Variants in KLHL40 observed in about 807,000 individuals in gnomAD.
KLHL40 encodes the protein kelch-like protein 40.
Under a neutral mutation model 49.7 loss-of-function variants are expected in KLHL40, and 44 were observed. That is an observed-to-expected ratio of 0.89 (90% CI 0.70 to 1.14). The LOEUF is 1.14. Ranked by LOEUF, KLHL40 falls within the 50% of genes most tolerant of loss-of-function variation. The pLI, the probability that KLHL40 is intolerant of heterozygous loss-of-function variation, is 0.00. For missense variants in KLHL40, 892 were observed against 850.3 expected (o/e 1.05, Z -0.61); for synonymous variants, 409 against 365.2 (o/e 1.12, Z -1.37).
Position 42,686,364 on chromosome 3 carries a change from A to T in KLHL40, c.746A>T (p.Glu249Val). 2 of 1,613,162 alleles carry T rather than the reference A, an allele frequency of 1.2e-6. No individual in the cohort carries two copies. The highest frequency in any genetic ancestry group is 1.7e-6 in the Non-Finnish European group (2 of 1,179,902). Residue 249 changes from glutamate to valine, a missense_variant, in exon 1 of 6, where the codon GAG (glutamate) becomes GTG (valine). By Grantham distance (121) the Glu-to-Val change is moderately radical. Transcript: ENST00000287777. Reference sequence around the variant, plus strand: ...CACCCTCTCGTGCGTGCCCAGCCCGAGTTGCTGCGCAAGGTGCAGATGGTG... The same window carrying T: ...CACCCTCTCGTGCGTGCCCAGCCCGTGTTGCTGCGCAAGGTGCAGATGGTG... ...ERHPLVRAQPELLRKVQMVKD... is the reference protein window; with the variant it reads ...ERHPLVRAQPVLLRKVQMVKD...
Position 42,688,881 on chromosome 3 carries a change from C to G in KLHL40, c.1434C>G (p.Asn478Lys). 4 of 1,613,868 alleles carry G rather than the reference C, an allele frequency of 2.5e-6. No individual in the cohort carries two copies. Among genetic ancestry groups the G allele is most frequent in the Non-Finnish European group, 3.4e-6 (4 of 1,179,824 alleles). Residue 478 changes from asparagine to lysine, a missense_variant, in exon 4 of 6, where the codon AAC becomes AAG. Physicochemically the swap from Asn to Lys is moderately conservative, Grantham distance 94. Transcript: ENST00000287777. The surrounding 1 kb of genome is among the most constrained non-coding windows in gnomAD (Gnocchi z 4.2). ...CTCCACCCCACAGGAAGTGCCTGAA[C>G]AAGATGTGCGTCTATGACCCCAAGA... The part of the protein sequence containing the change: ...GGKGSDRKCL[N>K]KMCVYDPKKF...
chr3:42,690,168 C>T (rs574706536), intron 4 of KLHL40, among the ~76,000 whole-genome samples: 18 of 152,216 alleles, frequency 1.2e-4, no homozygotes, highest in South Asian at 4.1e-4. Context: ...CAGTAGCACA[C>T]GGAGGGGCCA....
chr3:42,688,586 C>G lies in KLHL40; in HGVS notation c.1314-24C>G, dbSNP rs769695559. ...CCGAGCCTGGATGGGTGCCCTCCCC[C>G]ACCCCCACTCCCGTCTCCTCCAGGT... On this transcript the variant is annotated intron_variant, in intron 2 of 5. Coordinates refer to ENST00000287777, the MANE Select transcript of KLHL40 (RefSeq NM_152393.4). This position sits in a 1 kb window ranked among gnomAD's most constrained non-coding sequence, Gnocchi z 4.2. 2 of 1,579,656 alleles carry G rather than the reference C, an allele frequency of 1.3e-6. No homozygotes were observed. Among genetic ancestry groups the G allele is most frequent in the Non-Finnish European group, 8.7e-7 (1 of 1,149,938 alleles).
In KLHL40 at chr3:42,689,341, C is replaced by G. The variant is rs117955816; in HGVS notation, c.1607+287C>G. On this transcript the variant is annotated intron_variant, in intron 4 of 5. Transcript: ENST00000287777. The stretch of plus-strand genomic sequence containing the variant: ...CTGGTGCAAGGGATATAGCAGTGAA[C>G]AAGACAGAAGCTGCCCTGCCTGGGA... 2.4e-3 allele frequency among the ~76,000 whole-genome samples: 368 copies of G among 152,198 alleles called. 10 individuals are homozygous for G. The East Asian group carries it at 0.045, about 19-fold the overall frequency.
In KLHL40 at chr3:42,688,011, G is replaced by C. The variant is rs573939256; in HGVS notation, c.1153-131G>C. 2.1e-5 allele frequency: 21 copies of C among 993,984 alleles called. No homozygotes were observed. The highest frequency in any genetic ancestry group is 3.0e-5 in the Non-Finnish European group (20 of 665,170). 61.6% of individuals were successfully genotyped at this position (993,984 alleles called of 1,614,324 possible). A position where few individuals can be genotyped will look rare whatever the true frequency, so the allele number is the denominator to read the frequency against. On this transcript the variant is annotated intron_variant, in intron 1 of 5. Transcript: ENST00000287777. This position sits in a 1 kb window ranked among gnomAD's most constrained non-coding sequence, Gnocchi z 4.2. ...GGTAGGAGGGGCACTGTTTCTCAGG[G>C]CACCTCCAGGCTGTATTGGCCCTAC...
In KLHL40 at chr3:42,688,097, C is replaced by T. The variant is rs369757052; in HGVS notation, c.1153-45C>T. The T allele has an allele frequency of 3.1e-4, 503 of 1,611,534 alleles. No homozygotes were observed. The highest frequency in any genetic ancestry group is 4.0e-4 in the Non-Finnish European group (475 of 1,178,994). On this transcript the variant is annotated intron_variant, in intron 1 of 5. Transcript: ENST00000287777. This position sits in a 1 kb window ranked among gnomAD's most constrained non-coding sequence, Gnocchi z 4.2. Reference sequence around the variant, plus strand: ...GGGACTGAGTGGGGCTGGGCTGAGGCTGGGGGAGTGGGGGGCGGTAGCTGA... The same window carrying T: ...GGGACTGAGTGGGGCTGGGCTGAGGTTGGGGGAGTGGGGGGCGGTAGCTGA...
At position 42,691,010 on chromosome 3, in the gene KLHL40, G is replaced by A. The variant is rs1415991705; in HGVS notation, c.1754+5G>A. ...AGAGCTCAATGACATCTGGAGGTGA[G>A]TCCCACCCTGGGGAGGCAAGGGGGC... On this transcript the variant is annotated splice_donor_5th_base_variant and intron_variant, in intron 5 of 5. Coordinates refer to ENST00000287777, the MANE Select transcript of KLHL40 (RefSeq NM_152393.4). 6.2e-7 allele frequency: 1 copy of A among 1,602,086 alleles called. No individual in the cohort carries two copies. Among genetic ancestry groups the A allele is most frequent in the Non-Finnish European group, 8.5e-7 (1 of 1,173,288 alleles).
At chr3:42,687,500 G>A (rs2125845117) in intron 1 of KLHL40, among the ~76,000 whole-genome samples, 1 of 152,198 alleles carries the variant, frequency 6.6e-6, no homozygotes, top group South Asian at 2.1e-4. Context: ...TGGGGGATGA[G>A]GGCAGCTTCA....
chr3:42,689,183 T>C, intron 4 of KLHL40, 129 bp downstream of exon 4: 1 of 805,638 alleles, frequency 1.2e-6, no homozygotes, highest in East Asian at 2.7e-5. Context: ...GAAATAGGCT[T>C]TCTCTCCTGA....
chr3:42,686,361 C>G lies in KLHL40; in HGVS notation c.743C>G (p.Pro248Arg). The G allele has an allele frequency of 6.2e-7, 1 of 1,613,168 alleles. No individual in the cohort carries two copies. Among genetic ancestry groups the G allele is most frequent in the Non-Finnish European group, 8.5e-7 (1 of 1,179,904 alleles). The change falls in exon 1 of 6, where the codon CCC becomes CGC. Residue 248 changes from proline (P) to arginine (R), a missense_variant. Coordinates refer to ENST00000287777, the MANE Select transcript of KLHL40 (RefSeq NM_152393.4). ...VERHPLVRAQPELLRKVQMVK... is the reference protein window; with the variant it reads ...VERHPLVRAQRELLRKVQMVK... ...CGCCACCCTCTCGTGCGTGCCCAGC[C>G]CGAGTTGCTGCGCAAGGTGCAGATG...
At position 42,691,866 on chromosome 3, in the gene KLHL40, T is replaced by A. The variant is rs376992288; in HGVS notation, c.1755-16T>A. 3.3e-6 allele frequency: 5 copies of A among 1,536,684 alleles called. No homozygotes were observed. Among genetic ancestry groups the A allele is most frequent in the Admixed American group, 1.7e-5 (1 of 59,914 alleles). ...CCAAGCTCTCCATCCTTGTCCCCAC[T>A]CTCTCTCATCCCCAGGTATAACGAG... On this transcript the variant is annotated splice_polypyrimidine_tract_variant and intron_variant, in intron 5 of 5. Transcript: ENST00000287777.
intron 1 of KLHL40, among the ~76,000 whole-genome samples, chr3:42,687,168 C>G (rs534008082): frequency 6.6e-6 from 1 of 152,152 alleles, no homozygotes; most frequent in South Asian, 2.1e-4. Context: ...CTGTATGGTC[C>G]TCCCATTGTA....
chr3:42,690,755 T>G, intron 4 of KLHL40, 104 bp from the exon 5 acceptor site: 1 of 1,282,692 alleles, frequency 7.8e-7, no homozygotes, highest in Non-Finnish European at 1.1e-6. Context: ...GCCTGGGACT[T>G]GGATTGCAAA....
In KLHL40 at chr3:42,688,795, C is replaced by A. The variant is rs1418794026; in HGVS notation, c.1422-74C>A. On this transcript the variant is annotated intron_variant, in intron 3 of 5. Coordinates refer to ENST00000287777, the MANE Select transcript of KLHL40 (RefSeq NM_152393.4). The surrounding 1 kb of genome is among the most constrained non-coding windows in gnomAD (Gnocchi z 4.2). ...GCTGTCAGGGGTTTGTCCTGGCTGC[C>A]CCGGCAGGTGATTGCAGGGAGGCGT... 20 of 1,584,866 alleles carry A rather than the reference C, an allele frequency of 1.3e-5. No individual in the cohort carries two copies. Among genetic ancestry groups the A allele is most frequent in the Middle Eastern group, 1.7e-4 (1 of 6,024 alleles).
chr3:42,691,296 C>T (rs1338740274), intron 5 of KLHL40, among the ~76,000 whole-genome samples: 3 of 152,110 alleles, frequency 2.0e-5, no homozygotes, highest in East Asian at 1.9e-4. Flanking sequence ...AGAAACAGGG[C>T]CCAAATAGCA....
rs1174027470 is a variant in KLHL40 at position 42,688,367 on chromosome 3, T to C, written c.1313+65T>C. ...AGTGGGGCATGGAGGCCGCAGCTGG[T>C]CTAGGGCCTGGGGTGGGATTTGGAG... On this transcript the variant is annotated intron_variant, in intron 2 of 5. Coordinates refer to ENST00000287777, the MANE Select transcript of KLHL40 (RefSeq NM_152393.4). The surrounding 1 kb of genome is among the most constrained non-coding windows in gnomAD (Gnocchi z 4.2). 3 of 1,556,256 alleles carry C rather than the reference T, an allele frequency of 1.9e-6. No individual in the cohort carries two copies. The East Asian group carries it at 6.8e-5, about 35-fold the overall frequency.
chr3:42,688,012 C>T lies in KLHL40; in HGVS notation c.1153-130C>T. The T allele has an allele frequency of 3.0e-6, 3 of 999,688 alleles. No homozygotes were observed. The highest frequency in any genetic ancestry group is 4.5e-6 in the Non-Finnish European group (3 of 669,794). 61.9% of individuals were successfully genotyped at this position (999,688 alleles called of 1,614,324 possible). A position where few individuals can be genotyped will look rare whatever the true frequency, so the allele number is the denominator to read the frequency against. On this transcript the variant is annotated intron_variant, in intron 1 of 5. Transcript: ENST00000287777. The surrounding 1 kb of genome is among the most constrained non-coding windows in gnomAD (Gnocchi z 4.2). ...GTAGGAGGGGCACTGTTTCTCAGGG[C>T]ACCTCCAGGCTGTATTGGCCCTACC...
At chr3:42,690,226 C>T (rs1307874536) in intron 4 of KLHL40, among the ~76,000 whole-genome samples, 2 of 152,094 alleles carry the variant, frequency 1.3e-5, no homozygotes, top group Non-Finnish European at 2.9e-5. Context: ...GAGGTCCAAG[C>T]CCTGATGGTG....
rs750546843 is a variant in KLHL40, at chr3:42,688,155, A to T, written c.1166A>T (p.Asp389Val). The T allele has an allele frequency of 6.2e-7, 1 of 1,613,690 alleles. No individual in the cohort carries two copies. Among genetic ancestry groups the T allele is most frequent in the Admixed American group, 1.7e-5 (1 of 59,980 alleles). Reference protein sequence around the residue: ...SAYFLQFDHLDSEWLGMPPLP... With the variant: ...SAYFLQFDHLVSEWLGMPPLP... ...CCTGGCCTGCAGTTTGACCATCTGG[A>T]CTCAGAGTGGCTGGGGATGCCACCG... The change falls in exon 2 of 6, where the codon GAC becomes GTC. Residue 389 changes from aspartate (D) to valine (V), a missense_variant. Asp to Val is a radical substitution (Grantham distance 152, BLOSUM62 -3). Coordinates refer to ENST00000287777, the MANE Select transcript of KLHL40 (RefSeq NM_152393.4). The surrounding 1 kb of genome is among the most constrained non-coding windows in gnomAD (Gnocchi z 4.2).
Sources: gnomAD v4.1 joint callset for allele counts (sites outside exome capture counted in the v4.1 genomes callset) on GRCh38, gnomAD v4.1.1 for gene constraint, Gnocchi (gnomAD v3.1) non-coding constraint, MANE v1.5 for transcripts, NCBI Gene and HGNC (gene_info 2026-07-23, HGNC 2026-07-21) for gene names.